ARID5B: variants seen among roughly 807,000 people sequenced by gnomAD.
ARID5B encodes the protein AT-rich interaction domain 5B.
In ARID5B, 13 loss-of-function variants were observed where a neutral mutation model predicts 97.2. The observed-to-expected ratio is 0.13, with a 90% CI of 0.09 to 0.21. ARID5B has a LOEUF of 0.21. Among genes scored for constraint, ARID5B ranks in the 10% least tolerant of loss-of-function variants. The pLI, the probability that ARID5B is intolerant of heterozygous loss-of-function variation, is 1.00. For synonymous variants in ARID5B, 556 were observed against 570.3 expected (o/e 0.97, Z 0.36); for missense variants, 1,210 against 1,465.3 (o/e 0.83, Z 2.84).
intron 3 of ARID5B, among the ~76,000 whole-genome samples, chr10:61,966,742 G>A (rs1288968583): frequency 2.0e-5 from 3 of 152,088 alleles, no homozygotes; most frequent in African/African-American, 7.2e-5. Flanking sequence ...TGGTTCTTCT[G>A]ACATCTCCTA....
In ARID5B at chr10:61,902,236, A is replaced by G. The variant is rs745501776; in HGVS notation, c.99A>G (p.Pro33=). ...KAFQFHLEGK[P]RILSLGDFFF... is the part of the protein sequence containing the mutation. ...TTCAATTCCACCTTGAAGGCAAACC[A>G]AGAATTTTGTCCCTTGGCGACTTTT... is the stretch of plus-strand genomic sequence containing the variant. The change falls in exon 2 of 10, where the codon CCA becomes CCG. Residue 33 remains proline (P), a synonymous_variant. Coordinates refer to ENST00000279873, the MANE Select transcript of ARID5B (RefSeq NM_032199.3). 108 of 1,613,916 alleles carry G rather than the reference A, an allele frequency of 6.7e-5. No homozygotes were observed. Among genetic ancestry groups the G allele is most frequent in the Non-Finnish European group, 9.1e-5 (107 of 1,180,026 alleles).
chr10:61,986,305 G>A (rs1328546284), intron 3 of ARID5B, among the ~76,000 whole-genome samples: 1 of 152,194 alleles, frequency 6.6e-6, no homozygotes, highest in Admixed American at 6.5e-5. Flanking sequence ...TAGGAGGATT[G>A]AATGAATCTA....
chr10:62,089,224 A>G (rs1399185168), intron 9 of ARID5B, among the ~76,000 whole-genome samples: 1 of 152,216 alleles, frequency 6.6e-6, no homozygotes, highest in East Asian at 1.9e-4. Context: ...AAGTAATGAT[A>G]TTTGTACTGG....
At chr10:62,039,974 G>A (rs1839614458) in intron 4 of ARID5B, among the ~76,000 whole-genome samples, 1 of 152,222 alleles carries the variant, frequency 6.6e-6, no homozygotes, top group South Asian at 2.1e-4. Context: ...AGATTAAGAA[G>A]TGTCTACTTC....
chr10:62,015,145 G>GT (rs770965686), intron 4 of ARID5B, among the ~76,000 whole-genome samples: 18 of 152,324 alleles, frequency 1.2e-4, no homozygotes, highest in Non-Finnish European at 2.1e-4. Context: ...TATAATTTGT[G>GT]TTCCTAAGAG....
chr10:62,000,096 G>A lies in ARID5B; in HGVS notation c.508G>A (p.Asp170Asn). 1 of 1,613,870 alleles carries A rather than the reference G, an allele frequency of 6.2e-7. No homozygotes were observed. Among genetic ancestry groups the A allele is most frequent in the Non-Finnish European group, 8.5e-7 (1 of 1,179,800 alleles). ...GTGTTTTCTCGTTTGTCTAGGGGAG[G>A]ACGAGGAAGAAACGAACGTGATAGT... ...VLKEKADLGE[D>N]EEETNVIVLS... Residue 170 changes from aspartate to asparagine, a missense_variant, in exon 4 of 10, where the codon GAC (aspartate) becomes AAC (asparagine). Around this residue, in one of 8 missense-constraint regions of ARID5B, gnomAD observed 82 missense variants for 79.3 expected, o/e 1.03. Transcript: ENST00000279873. The surrounding 1 kb of genome is among the most constrained non-coding windows in gnomAD (Gnocchi z 4.4).
intron 2 of ARID5B, among the ~76,000 whole-genome samples, chr10:61,929,531 C>T (rs987568974): frequency 1.3e-5 from 2 of 152,026 alleles, no homozygotes; most frequent in Non-Finnish European, 1.5e-5. Flanking sequence ...AACAGAGACT[C>T]GTATATTATA....
chr10:61,993,008 A>G (rs112048063), intron 3 of ARID5B, among the ~76,000 whole-genome samples: 1 of 152,066 alleles, frequency 6.6e-6, no homozygotes, highest in Admixed American at 6.5e-5. Flanking sequence ...TCCGGATGGA[A>G]TCTTGTTCTC....
Position 61,928,606 on chromosome 10 carries a change from A to G in ARID5B, c.277-11577A>G, listed in dbSNP as rs531468038. 3.3e-5 allele frequency among the ~76,000 whole-genome samples: 5 copies of G among 152,230 alleles called. No homozygotes were observed. In the South Asian group the frequency reaches 1.0e-3, roughly 32 times the overall value. On this transcript the variant is annotated intron_variant, in intron 2 of 9. Transcript: ENST00000279873. ...CCGTACCTGCCCCCCAACTTGAATT[A>G]TTATTACTCAAGTATTCCATTGGTT... is the stretch of plus-strand genomic sequence containing the variant.
chr10:61,922,960 T>C (rs1844043095), intron 2 of ARID5B, among the ~76,000 whole-genome samples: 1 of 152,164 alleles, frequency 6.6e-6, no homozygotes, highest in Non-Finnish European at 1.5e-5. Context: ...ATTAAACAGA[T>C]TCTGGCCAAT....
chr10:62,056,207 A>G (rs941407393), intron 5 of ARID5B, among the ~76,000 whole-genome samples: 9 of 152,314 alleles, frequency 5.9e-5, no homozygotes, highest in South Asian at 2.1e-4. Context: ...GTCTGCCTAC[A>G]GTGTGGAAGG....
chr10:61,905,476 T>C (rs886596977), intron 2 of ARID5B, among the ~76,000 whole-genome samples: 1 of 151,736 alleles, frequency 6.6e-6, no homozygotes, highest in Admixed American at 6.6e-5. Context: ...TTTCTCATGA[T>C]TTTTGTAATA....
chr10:61,931,863 C>T (rs765271337), intron 2 of ARID5B, among the ~76,000 whole-genome samples: 12 of 151,974 alleles, frequency 7.9e-5, no homozygotes, highest in Non-Finnish European at 1.5e-4. Flanking sequence ...CAAGTACTGG[C>T]AAGGATGGGG....
chr10:62,029,196 G>A (rs765038272), intron 4 of ARID5B, among the ~76,000 whole-genome samples: 11 of 151,916 alleles, frequency 7.2e-5, no homozygotes, highest in South Asian at 2.1e-4. Flanking sequence ...TTTATGTTCC[G>A]CCTCCTGTCC....
At chr10:62,082,882 C>G (rs967731751) in intron 8 of ARID5B, among the ~76,000 whole-genome samples, 3 of 152,232 alleles carry the variant, frequency 2.0e-5, no homozygotes, top group Middle Eastern at 6.8e-3. Flanking sequence ...GATTGTGTGC[C>G]GTGCGAGACC....
chr10:62,052,606 G>A (rs1379621546), intron 5 of ARID5B, among the ~76,000 whole-genome samples: 3 of 152,192 alleles, frequency 2.0e-5, no homozygotes, highest in Admixed American at 6.5e-5. Flanking sequence ...ATCTGAAAGA[G>A]CAGACCTCCA....
At chr10:61,962,829 T>C (rs1325456826) in intron 3 of ARID5B, among the ~76,000 whole-genome samples, 1 of 151,980 alleles carries the variant, frequency 6.6e-6, no homozygotes, top group African/African-American at 2.4e-5. Flanking sequence ...CCAAAAAGCA[T>C]TTATGGTCTT....
intron 8 of ARID5B, among the ~76,000 whole-genome samples, chr10:62,070,204 T>C (rs1213925632): frequency 6.6e-6 from 1 of 152,194 alleles, no homozygotes; most frequent in Non-Finnish European, 1.5e-5. Flanking sequence ...GGATTTCTCA[T>C]AGTAAGAGAA....
At chr10:62,008,168 A>G (rs1839171512) in intron 4 of ARID5B, among the ~76,000 whole-genome samples, 1 of 151,958 alleles carries the variant, frequency 6.6e-6, no homozygotes, top group Admixed American at 6.6e-5. Flanking sequence ...TGTGCAGGCA[A>G]CAGAGCAGTA....
Sources: gnomAD v4.1 joint callset for allele counts (sites outside exome capture counted in the v4.1 genomes callset) on GRCh38, gnomAD v4.1.1 for gene constraint, gnomAD v4.1.1 regional missense constraint, Gnocchi (gnomAD v3.1) non-coding constraint, MANE v1.5 for transcripts, NCBI Gene and HGNC (gene_info 2026-07-23, HGNC 2026-07-21) for gene names.